Variants in DOCK4 observed in about 807,000 individuals in gnomAD.
DOCK4 encodes the protein dedicator of cytokinesis 4, also known as dedicator of cytokinesis protein 4.
In DOCK4, 97 loss-of-function variants were observed where a neutral mutation model predicts 268.1. The observed-to-expected ratio is 0.36, with a 90% CI of 0.31 to 0.43. The LOEUF (loss-of-function observed/expected upper bound fraction) is 0.43, where lower values mean the gene tolerates loss of function less well. DOCK4 is among the 20% of genes least tolerant of loss of function. DOCK4 has a pLI of 1.00. For synonymous variants in DOCK4, 954 were observed against 887.2 expected, an observed-to-expected ratio of 1.08 and a Z score of -1.34; for missense variants, 2,145 against 2,455.7, an observed-to-expected ratio of 0.87 and a Z score of 2.67.
In DOCK4 at chr7:111,900,393, G is replaced by A. The variant is rs1402210223; in HGVS notation, c.1461C>T (p.Phe487=). 10 of 1,613,122 alleles carry A rather than the reference G, an allele frequency of 6.2e-6. No homozygotes were observed. The highest frequency in any genetic ancestry group is 4.5e-5 in the East Asian group (2 of 44,878). Residue 487 remains phenylalanine (F), a synonymous_variant, in exon 15 of 53, where the codon TTC becomes TTT. Coordinates refer to ENST00000428084, the MANE Select transcript of DOCK4 (RefSeq NM_001363540.2). ...ACTTACTGGAACAATGCCGAAACTC[G>A]AAGCGGATGTGTGCACCCCGGAATT... The part of the protein sequence containing the change: ...VDKFRGAHIR[F]EFRHCSTKEK...
chr7:111,852,273 T>C (rs1804636947), intron 23 of DOCK4, among the ~76,000 whole-genome samples: 1 of 152,186 alleles, frequency 6.6e-6, no homozygotes, highest in African/African-American at 2.4e-5. Flanking sequence ...CGGAGTCTCC[T>C]ATTTCTTTTG....
At chr7:112,158,162 C>T (rs762171485) in intron 1 of DOCK4, among the ~76,000 whole-genome samples, 5 of 152,164 alleles carry the variant, frequency 3.3e-5, no homozygotes, top group Non-Finnish European at 7.4e-5. Flanking sequence ...GGCTGAGCTG[C>T]ACCTCCACAT....
chr7:111,917,073 C>T (rs540250944), intron 12 of DOCK4, among the ~76,000 whole-genome samples: 3 of 149,706 alleles, frequency 2.0e-5, no homozygotes, highest in East Asian at 4.1e-4. Context: ...CTGCAACCTC[C>T]GCCTCCCGGG....
At chr7:111,805,083 G>A (rs1343180752) in intron 30 of DOCK4, among the ~76,000 whole-genome samples, 2 of 152,290 alleles carry the variant, frequency 1.3e-5, no homozygotes, top group Non-Finnish European at 1.5e-5. Context: ...TCTCACAAGG[G>A]AAGAAGAGAA....
In DOCK4 at chr7:111,793,794, T is replaced by G. The variant is rs561268570; in HGVS notation, c.3167-3189A>C. 2.0e-5 allele frequency among the ~76,000 whole-genome samples: 3 copies of G among 152,202 alleles called. No individual in the cohort carries two copies. The East Asian group carries it at 5.8e-4, about 29-fold the overall frequency. On this transcript the variant is annotated intron_variant, in intron 30 of 52. Coordinates refer to ENST00000428084, the MANE Select transcript of DOCK4 (RefSeq NM_001363540.2). ...ACTTTGGGAGGCCAAGGCAGGAGAA[T>G]CGCTTGAGCCCAGGAGTTCAAGACC...
intron 1 of DOCK4, among the ~76,000 whole-genome samples, chr7:112,172,140 A>AT (rs1213061936): frequency 6.6e-6 from 1 of 152,222 alleles, no homozygotes; most frequent in East Asian, 1.9e-4. Flanking sequence ...TGAAGAGACA[A>AT]TTCAGTCCAT....
At chr7:111,859,660 C>G (rs933580580) in intron 23 of DOCK4, among the ~76,000 whole-genome samples, 4 of 148,766 alleles carry the variant, frequency 2.7e-5, no homozygotes, top group African/African-American at 9.9e-5. Context: ...CTCCGCCTCC[C>G]GGGTTCACGC....
chr7:111,920,977 C>T (rs952590130), intron 12 of DOCK4, among the ~76,000 whole-genome samples: 9 of 151,968 alleles, frequency 5.9e-5, no homozygotes, highest in Admixed American at 3.3e-4. Context: ...ATTAAAATTT[C>T]ATAAAATTTA....
At chr7:112,113,473 T>C (rs1811847338) in intron 1 of DOCK4, among the ~76,000 whole-genome samples, 1 of 152,192 alleles carries the variant, frequency 6.6e-6, no homozygotes, top group Admixed American at 6.5e-5. Flanking sequence ...TTGGTTTCTC[T>C]GTATCTTACT....
chr7:111,991,195 G>T (rs1271103745), intron 5 of DOCK4, among the ~76,000 whole-genome samples: 1 of 152,180 alleles, frequency 6.6e-6, no homozygotes, highest in Non-Finnish European at 1.5e-5. Flanking sequence ...AATAAGAAAA[G>T]GTTGCAGGAT....
intron 50 of DOCK4, among the ~76,000 whole-genome samples, chr7:111,736,472 TA>T (rs1795484924): frequency 1.3e-5 from 2 of 152,306 alleles, no homozygotes; most frequent in South Asian, 4.1e-4. Context: ...TCTTAAATGG[TA>T]TTTAATTGTA....
intron 22 of DOCK4, among the ~76,000 whole-genome samples, chr7:111,865,730 T>A (rs1210411409): frequency 6.6e-6 from 1 of 152,182 alleles, no homozygotes; most frequent in Non-Finnish European, 1.5e-5. Flanking sequence ...TTAAAACAGT[T>A]TTCTCTGGCT....
intron 1 of DOCK4, among the ~76,000 whole-genome samples, chr7:112,094,760 G>C (rs1809952327): frequency 6.6e-6 from 1 of 152,182 alleles, no homozygotes; most frequent in Non-Finnish European, 1.5e-5. Context: ...CCTGGTGGTA[G>C]TTGTATGGGT....
chr7:111,888,728 T>A (rs1373148731), intron 16 of DOCK4, among the ~76,000 whole-genome samples: 2 of 152,112 alleles, frequency 1.3e-5, no homozygotes, highest in Non-Finnish European at 2.9e-5. Context: ...CCACTCCATC[T>A]TCCCCCCTCT....
intron 1 of DOCK4, among the ~76,000 whole-genome samples, chr7:112,104,930 G>A (rs1811001657): frequency 6.6e-6 from 1 of 152,132 alleles, no homozygotes; most frequent in African/African-American, 2.4e-5. Flanking sequence ...CAGTCATGCT[G>A]GGGGATGATA....
In DOCK4 at chr7:111,760,738, TTGTGTGTGTGTGTGTGTGTGTGTGTG is replaced by T. The variant is rs3997406; in HGVS notation, c.4021-442_4021-417del. ...GAAAAGTAAATTTGTTGTCTGCTTT[TTGTGTGTGTGTGTGTGTGTGTGTGTG>T]TGTGTGTGTGTGTGTGTGTATTCTG... On this transcript the variant is annotated intron_variant, in intron 39 of 52. Coordinates refer to ENST00000428084, the MANE Select transcript of DOCK4 (RefSeq NM_001363540.2). 3.7e-5 allele frequency among the ~76,000 whole-genome samples: 5 copies of T among 136,910 alleles called. No individual in the cohort carries two copies. In the Admixed American group the frequency reaches 3.8e-4, roughly 10 times the overall value. The allele number at this position is 136,910 out of a possible 152,430, so 89.8% of individuals were successfully genotyped here.
Position 111,822,517 on chromosome 7 carries a change from CACAT to C in DOCK4, c.2836-65_2836-62del, listed in dbSNP as rs1453461764. ...TATTGTAACTGTCAACATACATACG[CACAT>C]ACACAGGCAGTACTGTTGTACTGTT... On this transcript the variant is annotated intron_variant, in intron 26 of 52. Transcript: ENST00000428084. 14 of 1,351,432 alleles carry C rather than the reference CACAT, an allele frequency of 1.0e-5. No individual in the cohort carries two copies. In the Admixed American group the frequency reaches 1.2e-4, roughly 11 times the overall value. 83.7% of individuals were successfully genotyped at this position (1,351,432 alleles called of 1,614,324 possible). A position where few individuals can be genotyped will look rare whatever the true frequency, so the allele number is the denominator to read the frequency against.
chr7:111,976,536 G>T (rs989411249), intron 8 of DOCK4: 5 of 150,890 alleles, frequency 3.3e-5, no homozygotes, highest in Non-Finnish European at 5.9e-5. Context: ...TGAGACTTTC[G>T]AATAAAAACC....
rs936063050 is a variant in DOCK4 at position 112,117,818 on chromosome 7, T to C, written c.37+88284A>G. 1.2e-4 allele frequency among the ~76,000 whole-genome samples: 19 copies of C among 152,358 alleles called. No individual in the cohort carries two copies. The Middle Eastern group carries it at 0.01, about 82-fold the overall frequency. On this transcript the variant is annotated intron_variant, in intron 1 of 52. Coordinates refer to ENST00000428084, the MANE Select transcript of DOCK4 (RefSeq NM_001363540.2). The stretch of plus-strand genomic sequence containing the variant: ...TTCGTGTTATGGCAGAACTGACTTA[T>C]GGCTTTGATTTCCAAATAGAAGCTT...
Sources: allele counts gnomAD v4.1 joint callset (sites outside exome capture counted in the v4.1 genomes callset), GRCh38; gene constraint gnomAD v4.1.1; transcripts MANE v1.5; gene names NCBI Gene and HGNC (gene_info 2026-07-23, HGNC 2026-07-21).